Variants in ZC3H14 observed in about 807,000 individuals in gnomAD.
The protein encoded by ZC3H14 is zinc finger CCCH domain-containing protein 14.
ZC3H14 carries 31 observed loss-of-function variants against 92.4 expected under a neutral mutation model. The ratio of observed to expected loss-of-function variants is 0.34; its 90% CI spans 0.25 to 0.45. The LOEUF (loss-of-function observed/expected upper bound fraction) is 0.45. Ranked by LOEUF, ZC3H14 falls within the 20% of genes least tolerant of loss-of-function variation. The pLI, the probability that ZC3H14 is intolerant of heterozygous loss-of-function variation, is 1.00. For synonymous variants in ZC3H14, 321 were observed against 300.9 expected (o/e 1.07, Z -0.69); for missense variants, 781 against 897.3 (o/e 0.87, Z 1.66).
At chr14:88,593,792 A>G (rs1010189507) in intron 9 of ZC3H14, among the ~76,000 whole-genome samples, 1 of 152,234 alleles carries the variant, frequency 6.6e-6, no homozygotes, top group African/African-American at 2.4e-5. Flanking sequence ...GGATTCCAGA[A>G]TGATTTCTTA....
At chr14:88,606,747 T>TAGA (rs2085468703) in intron 12 of ZC3H14, among the ~76,000 whole-genome samples, 1 of 95,872 alleles carries the variant, frequency 1.0e-5, no homozygotes, top group Non-Finnish European at 1.9e-5. Context: ...GACCCTGTCG[T>TAGA]AAAAAAAAAA....
chr14:88,619,910 C>T lies in ZC3H14; in HGVS notation c.*8159C>T, dbSNP rs1296281382. On this transcript the variant is annotated 3_prime_UTR_variant, in exon 17 of 17. Transcript: ENST00000251038. ...GTACTCCTGACTTCAGGTGATCTGCCTGCCTCGGCCTCCCAAAGTGCTGGG... is the reference window on the plus strand; with the variant it reads ...GTACTCCTGACTTCAGGTGATCTGCTTGCCTCGGCCTCCCAAAGTGCTGGG... 1 of 152,310 alleles carries T rather than the reference C, an allele frequency of 6.6e-6. No homozygotes were observed. Among genetic ancestry groups the T allele is most frequent in the Non-Finnish European group, 1.5e-5 (1 of 68,100 alleles). The allele number at this position is 152,310 out of a possible 1,614,324, so 9.4% of individuals were successfully genotyped here. A position where few individuals can be genotyped will look rare whatever the true frequency, so the allele number is the denominator to read the frequency against.
intron 7 of ZC3H14, 80 bp downstream of exon 7, chr14:88,574,933 A>C: frequency 5.0e-6 from 8 of 1,600,660 alleles, no homozygotes; most frequent in Non-Finnish European, 6.0e-6. Flanking sequence ...ATAATCACGA[A>C]AATAATTTTT....
intron 9 of ZC3H14, chr14:88,594,570 T>G (rs1045664969): frequency 1.3e-6 from 2 of 1,486,100 alleles, no homozygotes; most frequent in Non-Finnish European, 1.8e-6. Flanking sequence ...GAATTACAGG[T>G]TTTAAGATGT....
chr14:88,611,303 A>G (rs1169929294), intron 16 of ZC3H14, among the ~76,000 whole-genome samples: 2 of 151,996 alleles, frequency 1.3e-5, no homozygotes, highest in African/African-American at 4.8e-5. Flanking sequence ...TTAAGTAGAG[A>G]TGGGGTCTTG....
In ZC3H14 at chr14:88,583,776, T is replaced by C. The variant is rs903227569; in HGVS notation, c.1279+5636T>C. On this transcript the variant is annotated intron_variant, in intron 9 of 16. Transcript: ENST00000251038. ...CTTCCACATGCATTTTGGAAGAAAG[T>C]GGACTAATTATTGGATGGGGAATTT... Among the ~76,000 whole-genome samples, 5 of 152,222 alleles carry C rather than the reference T, an allele frequency of 3.3e-5. 1 individual carries two copies. The highest frequency in any genetic ancestry group is 1.3e-4 in the Admixed American group (2 of 15,284).
chr14:88,600,408 C>T (rs1303041338), intron 10 of ZC3H14, among the ~76,000 whole-genome samples: 1 of 152,016 alleles, frequency 6.6e-6, no homozygotes, highest in Non-Finnish European at 1.5e-5. Flanking sequence ...CAGGCCACTT[C>T]CTTCCTTAGG....
chr14:88,602,233 A>C, intron 11 of ZC3H14, 150 bp downstream of exon 11: 1 of 1,050,426 alleles, frequency 9.5e-7, no homozygotes, highest in Non-Finnish European at 1.4e-6. Flanking sequence ...AGTTAGCCAA[A>C]TTCAGTTTTC....
rs536885858 is a variant in ZC3H14, at chr14:88,599,634, C to T, written c.1355-2290C>T. 2.6e-5 allele frequency among the ~76,000 whole-genome samples: 4 copies of T among 152,208 alleles called. No homozygotes were observed. In the South Asian group the frequency reaches 8.3e-4, roughly 32 times the overall value. ...TTGACCTTTCGGCTTCCAGTTCACT[C>T]TGTCTTTATTCTTCTCATTCCCTTT... On this transcript the variant is annotated intron_variant, in intron 10 of 16. Transcript: ENST00000251038.
At chr14:88,565,164 A>G (rs1483736696) in intron 2 of ZC3H14, among the ~76,000 whole-genome samples, 1 of 152,012 alleles carries the variant, frequency 6.6e-6, no homozygotes, top group South Asian at 2.1e-4. Flanking sequence ...TTTTTTTGAG[A>G]TGGAATTTCA....
intron 6 of ZC3H14, among the ~76,000 whole-genome samples, chr14:88,573,215 C>A (rs1194888324): frequency 1.3e-5 from 2 of 151,688 alleles, no homozygotes; most frequent in African/African-American, 4.8e-5. Flanking sequence ...CCCGTCTCTA[C>A]TAAAAATACA....
intron 1 of ZC3H14, 24 bp downstream of exon 1, chr14:88,563,193 T>A: frequency 6.3e-7 from 1 of 1,578,522 alleles, no homozygotes; most frequent in Non-Finnish European, 8.6e-7. Flanking sequence ...CGGTCGGGGG[T>A]GGGAAGCCAG....
At chr14:88,570,227 A>T (rs911757912) in intron 3 of ZC3H14, among the ~76,000 whole-genome samples, 2 of 152,198 alleles carry the variant, frequency 1.3e-5, no homozygotes, top group African/African-American at 4.8e-5. Flanking sequence ...CACCAGCCCC[A>T]AACAGACTAT....
Position 88,601,916 on chromosome 14 carries a change from T to C in ZC3H14, c.1355-8T>C. ...AGTAAACATTTGTGGCCAATTTTTT[T>C]GGCTCAGATTACTATGACATGGAAT... On this transcript the variant is annotated splice_polypyrimidine_tract_variant and splice_region_variant and intron_variant, in intron 10 of 16. Coordinates refer to ENST00000251038, the MANE Select transcript of ZC3H14 (RefSeq NM_024824.5). 6.2e-7 allele frequency: 1 copy of C among 1,613,938 alleles called. No homozygotes were observed. The highest frequency in any genetic ancestry group is 8.5e-7 in the Non-Finnish European group (1 of 1,179,842).
At chr14:88,576,280 G>A (rs935997945) in intron 8 of ZC3H14, among the ~76,000 whole-genome samples, 4 of 152,142 alleles carry the variant, frequency 2.6e-5, no homozygotes, top group Non-Finnish European at 4.4e-5. Context: ...ATGAATTTAC[G>A]ATGTGTAAAG....
In ZC3H14 at chr14:88,610,950, C is replaced by G. The variant is rs183617466; in HGVS notation, c.2204+10C>G. On this transcript the variant is annotated intron_variant, in intron 16 of 16. Coordinates refer to ENST00000251038, the MANE Select transcript of ZC3H14 (RefSeq NM_024824.5). ...TTCGACCTCAAACCAGGTAAACATT[C>G]AAATTCGTTTTTCTCATGTCAGTTC... 6.0e-4 allele frequency: 949 copies of G among 1,570,708 alleles called. 12 individuals carry two copies. In the East Asian group the frequency reaches 0.019, roughly 32 times the overall value.
intron 12 of ZC3H14, among the ~76,000 whole-genome samples, chr14:88,605,087 T>A (rs1180912917): frequency 6.6e-6 from 1 of 152,172 alleles, no homozygotes; most frequent in Admixed American, 6.5e-5. Context: ...TATTATATTG[T>A]TCCTGAGTAT....
chr14:88,563,543 G>A, intron 1 of ZC3H14, 108 bp from the exon 2 acceptor site: 7 of 1,582,884 alleles, frequency 4.4e-6, no homozygotes, highest in Non-Finnish European at 6.1e-6. Context: ...CCCCGCCCGG[G>A]GGATCCGAGG....
intron 2 of ZC3H14, among the ~76,000 whole-genome samples, chr14:88,565,135 A>T (rs1347882254): frequency 2.0e-5 from 3 of 152,174 alleles, no homozygotes; most frequent in Non-Finnish European, 4.4e-5. Context: ...ATTTAAAAAA[A>T]ATTTGTTATT....
Sources: gnomAD v4.1 joint callset for allele counts (sites outside exome capture counted in the v4.1 genomes callset) on GRCh38, gnomAD v4.1.1 for gene constraint, MANE v1.5 for transcripts, NCBI Gene and HGNC (gene_info 2026-07-23, HGNC 2026-07-21) for gene names.